Variants in MARK2 observed in about 807,000 individuals in gnomAD.
The protein encoded by MARK2 is serine/threonine-protein kinase MARK2.
Under a neutral mutation model 89.8 loss-of-function variants are expected in MARK2, and 16 were observed. That is an observed-to-expected ratio of 0.18 (90% CI 0.12 to 0.27). MARK2 has a LOEUF of 0.27. Ranked by LOEUF, MARK2 falls within the 10% of genes least tolerant of loss-of-function variation. The pLI is 1.00. For synonymous variants in MARK2, 382 were observed against 399.5 expected, an observed-to-expected ratio of 0.96 and a Z score of 0.52; for missense variants, 621 against 1,049.9, an observed-to-expected ratio of 0.59 and a Z score of 5.65.
Position 63,856,318 on chromosome 11 carries a change from T to TTG in MARK2, c.54+16759_54+16760insGT, listed in dbSNP as rs1554974109. ...CCACTGGCCCTGTGGGTTTTTTTTT[T>TTG]TTGTTTTTTTTTTTTTTTTAAATAT... On this transcript the variant is annotated intron_variant, in intron 1 of 18. Coordinates refer to ENST00000402010, the MANE Select transcript of MARK2 (RefSeq NM_001039469.3). Among the ~76,000 whole-genome samples the TTG allele has an allele frequency of 4.4e-4, 26 of 58,726 alleles. No homozygotes were observed. In the South Asian group the frequency reaches 6.1e-3, roughly 14 times the overall value. The allele number at this position is 58,726 out of a possible 152,430, so 38.5% of individuals were successfully genotyped here. A position where few individuals can be genotyped will look rare whatever the true frequency, so the allele number is the denominator to read the frequency against.
intron 1 of MARK2, among the ~76,000 whole-genome samples, chr11:63,860,873 C>A (rs72934141): frequency 1.8e-3 from 268 of 150,718 alleles, no homozygotes; most frequent in South Asian, 5.3e-3. Flanking sequence ...AAAAAAAAAA[C>A]AAAAACAAAA....
At chr11:63,846,437 C>T (rs887785439) in intron 1 of MARK2, among the ~76,000 whole-genome samples, 6 of 148,140 alleles carry the variant, frequency 4.1e-5, no homozygotes, top group African/African-American at 1.5e-4. Context: ...CTCACTGCAA[C>T]CTCCGCCTCC....
Position 63,909,301 on chromosome 11 carries a change from G to GC in MARK2, c.*68dup. 3.4e-6 allele frequency: 5 copies of GC among 1,460,652 alleles called. No homozygotes were observed. Among genetic ancestry groups the GC allele is most frequent in the Non-Finnish European group, 3.6e-6 (4 of 1,100,560 alleles). The allele number at this position is 1,460,652 out of a possible 1,614,324, so 90.5% of individuals were successfully genotyped here. The stretch of plus-strand genomic sequence containing the variant: ...TGGACGGGCTGCCGGCCGCTGCGCC[G>GC]CCCCACCTGGGCGAGACTGCAGCGA... On this transcript the variant is annotated 3_prime_UTR_variant, in exon 19 of 19. Transcript: ENST00000402010.
intron 1 of MARK2, among the ~76,000 whole-genome samples, chr11:63,861,772 G>A (rs1476253795): frequency 1.5e-5 from 2 of 133,268 alleles, no homozygotes; most frequent in East Asian, 2.3e-4. Flanking sequence ...ACAGAGTCTC[G>A]CTCTTGTTGT....
intron 1 of MARK2, among the ~76,000 whole-genome samples, chr11:63,864,928 ACT>A (rs1263335186): frequency 2.0e-5 from 3 of 151,904 alleles, no homozygotes; most frequent in Non-Finnish European, 4.4e-5. Flanking sequence ...CGAGAGTCTG[ACT>A]CTGTTGCCCA....
chr11:63,906,074 G>C lies in MARK2; in HGVS notation c.1935-14G>C. On this transcript the variant is annotated splice_polypyrimidine_tract_variant and intron_variant, in intron 16 of 18. Coordinates refer to ENST00000402010, the MANE Select transcript of MARK2 (RefSeq NM_001039469.3). Reference sequence around the variant, plus strand: ...TCTTTTTTTATTTTGTCTTTTTTTTGTTTGTTTTTTTAGAAATCTGTCTTT... The same window carrying C: ...TCTTTTTTTATTTTGTCTTTTTTTTCTTTGTTTTTTTAGAAATCTGTCTTT... 3.0e-6 allele frequency: 4 copies of C among 1,333,602 alleles called. No homozygotes were observed. The highest frequency in any genetic ancestry group is 3.8e-6 in the Non-Finnish European group (4 of 1,039,008). 82.6% of individuals were successfully genotyped at this position (1,333,602 alleles called of 1,614,324 possible). A position where few individuals can be genotyped will look rare whatever the true frequency, so the allele number is the denominator to read the frequency against.
intron 17 of MARK2, among the ~76,000 whole-genome samples, chr11:63,907,395 G>C (rs1480690378): frequency 6.6e-6 from 1 of 152,220 alleles, no homozygotes; most frequent in Non-Finnish European, 1.5e-5. Flanking sequence ...GTGCACCCCT[G>C]TGTTGGTTGT....
At chr11:63,905,997 C>A in intron 16 of MARK2, 91 bp from the exon 17 acceptor site, 1 of 1,112,678 alleles carries the variant, frequency 9.0e-7, no homozygotes, top group Non-Finnish European at 1.2e-6. Flanking sequence ...CCTGTAAAGC[C>A]ACCTCCCCCA....
chr11:63,889,449 C>T (rs934737928), intron 1 of MARK2, among the ~76,000 whole-genome samples: 2 of 152,248 alleles, frequency 1.3e-5, no homozygotes, highest in Admixed American at 1.3e-4. Flanking sequence ...AAAGCATGAG[C>T]TTCTCCATGG....
intron 1 of MARK2, among the ~76,000 whole-genome samples, chr11:63,890,875 C>T (rs1353840120): frequency 6.6e-6 from 1 of 152,142 alleles, no homozygotes; most frequent in Non-Finnish European, 1.5e-5. Flanking sequence ...AAAGCTTGTA[C>T]GTGGGGGAGC....
intron 1 of MARK2, among the ~76,000 whole-genome samples, chr11:63,854,624 A>C (rs2016748822): frequency 6.6e-6 from 1 of 151,580 alleles, no homozygotes; most frequent in South Asian, 2.1e-4. Flanking sequence ...CACCTGAGGT[A>C]AGGAGTTCGA....
chr11:63,867,816 G>A lies in MARK2; in HGVS notation c.55-27343G>A, dbSNP rs190086486. Among the ~76,000 whole-genome samples the A allele has an allele frequency of 1.5e-3, 228 of 152,260 alleles. 1 individual carries two copies. The highest frequency in any genetic ancestry group is 4.8e-3 in the African/African-American group (201 of 41,540). On this transcript the variant is annotated intron_variant, in intron 1 of 18. Coordinates refer to ENST00000402010, the MANE Select transcript of MARK2 (RefSeq NM_001039469.3). Reference sequence around the variant, plus strand: ...CCAGGTCCTAGCTGGAAGTGACACAGGGATCTTCAGATCTCTCTTAGCCCA... The same window carrying A: ...CCAGGTCCTAGCTGGAAGTGACACAAGGATCTTCAGATCTCTCTTAGCCCA...
intron 1 of MARK2, among the ~76,000 whole-genome samples, chr11:63,841,206 T>C (rs971452096): frequency 6.6e-6 from 1 of 152,212 alleles, no homozygotes; most frequent in African/African-American, 2.4e-5. Context: ...CATTCTTCTT[T>C]GAAAAATCTT....
At chr11:63,861,830 C>T (rs1937806046) in intron 1 of MARK2, among the ~76,000 whole-genome samples, 1 of 151,628 alleles carries the variant, frequency 6.6e-6, no homozygotes, top group Admixed American at 6.6e-5. Flanking sequence ...CAACCTCCGC[C>T]TCCCGGGTTC....
intron 1 of MARK2, among the ~76,000 whole-genome samples, chr11:63,861,263 AT>A (rs1937756126): frequency 6.6e-6 from 1 of 152,022 alleles, no homozygotes; most frequent in Non-Finnish European, 1.5e-5. Context: ...GTGAAACCCC[AT>A]CTCTACTAAA....
chr11:63,861,563 C>T (rs939477101), intron 1 of MARK2, among the ~76,000 whole-genome samples: 2 of 152,196 alleles, frequency 1.3e-5, no homozygotes, highest in Non-Finnish European at 2.9e-5. Flanking sequence ...TTGGGAAACT[C>T]AGCCTTAAAG....
At chr11:63,898,438 C>T (rs1366082596) in intron 4 of MARK2, among the ~76,000 whole-genome samples, 158 bp downstream of exon 4, 1 of 152,162 alleles carries the variant, frequency 6.6e-6, no homozygotes, top group African/African-American at 2.4e-5. Context: ...CCTTCTGGCA[C>T]ACTGGGCTGT....
intron 1 of MARK2, among the ~76,000 whole-genome samples, chr11:63,874,473 AC>A (rs1201434489): frequency 1.3e-5 from 2 of 151,574 alleles, no homozygotes; most frequent in African/African-American, 4.8e-5. Flanking sequence ...CCTCCACTCC[AC>A]CCCCAAAAAA....
Position 63,904,807 on chromosome 11 carries a change from T to C in MARK2, c.1698T>C (p.Pro566=). Residue 566 remains proline (P), a synonymous_variant, in exon 16 of 19, where the codon CCT becomes CCC. Coordinates refer to ENST00000402010, the MANE Select transcript of MARK2 (RefSeq NM_001039469.3). The surrounding 1 kb of genome is among the most constrained non-coding windows in gnomAD (Gnocchi z 6.3). ...PRPSTAPQRV[P]VASPSAHNIS... is the part of the protein sequence containing the mutation. The stretch of plus-strand genomic sequence containing the variant: ...ACAGCACAGCCCCCCAGCGTGTCCC[T>C]GTTGCCTCCCCATCCGCCCACAACA... 1 of 1,614,054 alleles carries C rather than the reference T, an allele frequency of 6.2e-7. No homozygotes were observed. The highest frequency in any genetic ancestry group is 1.1e-5 in the South Asian group (1 of 91,080).
Sources: allele counts gnomAD v4.1 joint callset (sites outside exome capture counted in the v4.1 genomes callset), GRCh38; gene constraint gnomAD v4.1.1; non-coding constraint Gnocchi (gnomAD v3.1); transcripts MANE v1.5; gene names NCBI Gene and HGNC (gene_info 2026-07-23, HGNC 2026-07-21).